The following ERICH2 variants were observed in gnomAD, a reference collection of about 807,000 sequenced individuals.
ERICH2 encodes the protein glutamate-rich protein 2.
Under a neutral mutation model 17.4 loss-of-function variants are expected in ERICH2, and 17 were observed. That is an observed-to-expected ratio of 0.98 (90% CI 0.67 to 1.47). ERICH2 has a LOEUF of 1.47. ERICH2 is among the 40% of genes most tolerant of loss of function. The pLI is 0.00. For synonymous variants in ERICH2, 51 were observed against 61.1 expected (o/e 0.83, Z 0.77); for missense variants, 186 against 183.2 (o/e 1.01, Z -0.09).
intron 2 of ERICH2, among the ~76,000 whole-genome samples, chr2:170,791,981 A>T (rs577767118): frequency 1.3e-5 from 2 of 152,182 alleles, no homozygotes; most frequent in Non-Finnish European, 2.9e-5. Context: ...ATATACCTGC[A>T]TGTGGTTCAG....
At chr2:170,777,483 A>G in the ERICH2 span, 1 of 1,130,894 alleles carries the variant, frequency 8.8e-7, no homozygotes. Context: ...CCTAAATAGT[A>G]AGAAGACTAT....
At chr2:170,784,790 A>G (rs1211115203) in exon 2 of ERICH2, 1 of 1,538,268 alleles carries the variant, frequency 6.5e-7, no homozygotes, top group South Asian at 1.2e-5. Context: ...GAAGATAGTA[A>G]CCCTAAAAAG....
At chr2:170,785,279 A>C (rs1701132336) in intron 2 of ERICH2, among the ~76,000 whole-genome samples, 1 of 152,134 alleles carries the variant, frequency 6.6e-6, no homozygotes, top group Non-Finnish European at 1.5e-5. Flanking sequence ...ATTTTTAAAA[A>C]TTAATAAAAA....
At chr2:170,774,640 A>C in the ERICH2 span, among the ~76,000 whole-genome samples, 3 of 143,700 alleles carry the variant, frequency 2.1e-5, no homozygotes, top group African/African-American at 7.9e-5. Context: ...CTCTCGGCTC[A>C]CTGCAACCTT....
At chr2:170,782,172 G>A, upstream of ERICH2, 1 of 268,260 alleles carries the variant, frequency 3.7e-6, no homozygotes, top group Non-Finnish European at 5.7e-6. Flanking sequence ...ATTAAATGTA[G>A]TGTCTGTGTT....
the ERICH2 span, among the ~76,000 whole-genome samples, chr2:170,776,764 T>C: frequency 7.1e-6 from 1 of 140,708 alleles, no homozygotes; most frequent in African/African-American, 2.5e-5. Context: ...ACAGAGAATT[T>C]CTTTTTTTTT....
intron 3 of ERICH2, among the ~76,000 whole-genome samples, chr2:170,796,827 C>G (rs1357368178): frequency 6.6e-6 from 1 of 151,968 alleles, no homozygotes; most frequent in Non-Finnish European, 1.5e-5. Flanking sequence ...GAGCAGGAGT[C>G]ACAATATTAA....
intron 3 of ERICH2, among the ~76,000 whole-genome samples, chr2:170,796,428 G>GTTTTTTTTTTTTTTTTTTT (rs869301301): frequency 8.7e-6 from 1 of 114,554 alleles, no homozygotes; most frequent in Admixed American, 1.0e-4. Context: ...CTCTCTCTTT[G>GTTTTTTTTTTTTTTTTTTT]TTTTTTTTTT....
rs1701325121 is a variant in ERICH2, at chr2:170,792,934, A to C, written c.274+14A>C. On this transcript the variant is annotated intron_variant, in intron 3 of 4. Transcript: ENST00000409885. ...TATGTCAGATGAGTAAGTACAAAAT[A>C]CTTTCATATTTTCTAATCTTCTCTT... The C allele has an allele frequency of 6.9e-7, 1 of 1,444,312 alleles. No homozygotes were observed. The highest frequency in any genetic ancestry group is 1.4e-5 in the African/African-American group (1 of 70,980). The allele number at this position is 1,444,312 out of a possible 1,614,324, so 89.5% of individuals were successfully genotyped here. A position where few individuals can be genotyped will look rare whatever the true frequency, so the allele number is the denominator to read the frequency against.
At chr2:170,797,795 GAAA>G (rs767126097) in intron 3 of ERICH2, among the ~76,000 whole-genome samples, 6 of 141,790 alleles carry the variant, frequency 4.2e-5, no homozygotes, top group African/African-American at 7.8e-5. Flanking sequence ...CTGTCTCAGG[GAAA>G]AAAAAAAAAA....
At chr2:170,777,680 A>G in the ERICH2 span, 1 of 1,233,966 alleles carries the variant, frequency 8.1e-7, no homozygotes, top group Admixed American at 4.2e-5. Flanking sequence ...GCAATGTCAG[A>G]GTAAGAAGAT....
upstream of ERICH2, among the ~76,000 whole-genome samples, chr2:170,782,731 G>C (rs1701058283): frequency 6.6e-6 from 1 of 152,186 alleles, no homozygotes; most frequent in African/African-American, 2.4e-5. Context: ...AATAGGGAAA[G>C]CCCTTGTCCT....
chr2:170,782,299 A>T (rs1460064887), upstream of ERICH2: 21 of 959,718 alleles, frequency 2.2e-5, no homozygotes, highest in Non-Finnish European at 2.5e-5. Flanking sequence ...TACTGAAAAT[A>T]GAGTATCTTC....
rs116454042 is a variant in ERICH2, at chr2:170,798,862, G to A, written c.439G>A (p.Glu147Lys). Residue 147 changes from glutamate (E) to lysine (K), a missense_variant, in exon 5 of 5, where the codon GAG (glutamate) becomes AAG (lysine). Physicochemically the swap from Glu to Lys is moderately conservative, Grantham distance 56. Transcript: ENST00000409885. The stretch of plus-strand genomic sequence containing the variant: ...AGAAAGCGATGAGGAGCTGAGTGAC[G>A]AGAGCTCTGACGAAGGTGAAGATGG... 5.8e-4 allele frequency: 899 copies of A among 1,550,638 alleles called. 4 individuals are homozygous for A. In the African/African-American group the frequency reaches 0.011, roughly 19 times the overall value.
At chr2:170,772,239 T>G in the ERICH2 span, among the ~76,000 whole-genome samples, 18 of 152,210 alleles carry the variant, frequency 1.2e-4, no homozygotes, top group Non-Finnish European at 2.2e-4. Flanking sequence ...TCTCCCTTCT[T>G]TGCCCCATCC....
At chr2:170,772,163 G>A in the ERICH2 span, among the ~76,000 whole-genome samples, 2 of 152,048 alleles carry the variant, frequency 1.3e-5, no homozygotes, top group Middle Eastern at 6.3e-3. Flanking sequence ...GTATTTCATT[G>A]CACCCACTCC....
the ERICH2 span, among the ~76,000 whole-genome samples, chr2:170,775,071 CA>C: frequency 6.6e-6 from 1 of 152,044 alleles, no homozygotes; most frequent in Non-Finnish European, 1.5e-5. Context: ...ACGAATGTTT[CA>C]TCTAGGTGAA....
intron 2 of ERICH2, among the ~76,000 whole-genome samples, chr2:170,785,475 G>C (rs574557780): frequency 6.6e-6 from 1 of 152,084 alleles, no homozygotes; most frequent in Non-Finnish European, 1.5e-5. Context: ...TATACACTGG[G>C]CACCATGCTA....
At chr2:170,784,272 A>G (rs1701097014) in intron 1 of ERICH2, among the ~76,000 whole-genome samples, 1 of 152,224 alleles carries the variant, frequency 6.6e-6, no homozygotes, top group Non-Finnish European at 1.5e-5. Context: ...ATTTAAACTT[A>G]CTTTAATAGA....
Sources: allele counts gnomAD v4.1 joint callset (sites outside exome capture counted in the v4.1 genomes callset), GRCh38; gene constraint gnomAD v4.1.1; transcripts MANE v1.5; gene names NCBI Gene and HGNC (gene_info 2026-07-23, HGNC 2026-07-21).